The following ARHGAP20 variants were observed in gnomAD, a reference collection of about 807,000 sequenced individuals.
ARHGAP20 encodes rho GTPase-activating protein 20.
ARHGAP20 carries 34 observed loss-of-function variants against 73.7 expected under a neutral mutation model. The ratio of observed to expected loss-of-function variants is 0.46; its 90% confidence interval spans 0.35 to 0.61. The LOEUF (loss-of-function observed/expected upper bound fraction) is 0.61. ARHGAP20 is among the 20% of genes least tolerant of loss of function. The pLI is 0.00. For synonymous variants in ARHGAP20, 523 were observed against 518.2 expected (o/e 1.01, Z -0.13); for missense variants, 1,314 against 1,420.9 (o/e 0.92, Z 1.21).
intron 1 of ARHGAP20, among the ~76,000 whole-genome samples, chr11:110,705,988 T>C (rs1950546474): frequency 6.6e-6 from 1 of 152,144 alleles, no homozygotes; most frequent in South Asian, 2.1e-4. Flanking sequence ...ACCAAAGTAA[T>C]TAGACCAGTG....
In ARHGAP20 at chr11:110,711,575, C is replaced by G. The variant is rs1467576027; in HGVS notation, c.105+552G>C. 29 of 1,462,634 alleles carry G rather than the reference C, an allele frequency of 2.0e-5. No individual in the cohort carries two copies. The East Asian group carries it at 8.3e-4, about 42-fold the overall frequency. 90.6% of individuals were successfully genotyped at this position (1,462,634 alleles called of 1,614,324 possible). ...GGGGCAGTACTCCCCATATCTGCCC[C>G]CCGAAAACTGCTATGGAGCAGCCGC... On this transcript the variant is annotated intron_variant, in intron 1 of 14. Transcript: ENST00000683387.
intron 2 of ARHGAP20, among the ~76,000 whole-genome samples, chr11:110,650,955 A>T (rs1949338568): frequency 6.6e-6 from 1 of 152,216 alleles, no homozygotes; most frequent in African/African-American, 2.4e-5. Context: ...GCTTGGCCAC[A>T]TGGCACTTAT....
At chr11:110,618,761 A>G (rs529262533) in intron 4 of ARHGAP20, among the ~76,000 whole-genome samples, 2 of 104,562 alleles carry the variant, frequency 1.9e-5, no homozygotes, top group South Asian at 4.3e-4. Flanking sequence ...GTGATAGCAT[A>G]TATGTAGTGA....
chr11:110,707,539 G>C (rs1950571404), intron 1 of ARHGAP20, among the ~76,000 whole-genome samples: 1 of 152,106 alleles, frequency 6.6e-6, no homozygotes, highest in South Asian at 2.1e-4. Context: ...CCTCTGACTA[G>C]TGAGTAAAAG....
At chr11:110,690,751 C>A in intron 1 of ARHGAP20, 122 bp from the exon 2 acceptor site, 1 of 979,800 alleles carries the variant, frequency 1.0e-6, no homozygotes. Context: ...AAGGAGCCTA[C>A]AGTTTCATTA....
chr11:110,683,867 T>C (rs1477802381), intron 2 of ARHGAP20, among the ~76,000 whole-genome samples: 1 of 152,190 alleles, frequency 6.6e-6, no homozygotes, highest in Non-Finnish European at 1.5e-5. Flanking sequence ...ACCAGTGTGA[T>C]AATATTAAGA....
intron 10 of ARHGAP20, 93 bp downstream of exon 10, chr11:110,591,884 A>G (rs1350152944): frequency 6.0e-6 from 8 of 1,332,986 alleles, no homozygotes; most frequent in Non-Finnish European, 8.3e-6. Context: ...AGTGGTGTCT[A>G]TAATTTTTCC....
chr11:110,644,700 C>T (rs1340476268), intron 2 of ARHGAP20, among the ~76,000 whole-genome samples: 1 of 152,020 alleles, frequency 6.6e-6, no homozygotes. Flanking sequence ...AGAAGAAAAC[C>T]TAGGAAATAC....
chr11:110,586,416 C>T, intron 11 of ARHGAP20, 91 bp from the exon 12 acceptor site: 2 of 680,942 alleles, frequency 2.9e-6, no homozygotes, highest in Non-Finnish European at 4.7e-6. Context: ...TTGAAAAGTT[C>T]CCTTACGTAC....
rs1205942205 is a variant in ARHGAP20, at chr11:110,577,961, T to C, written c.*1409A>G. ...AATAAGCTAGCTTGTGAGAGAAAGG[T>C]CCATCTGATGGTGAACTAAAGAGTT... is the stretch of plus-strand genomic sequence containing the variant. On this transcript the variant is annotated 3_prime_UTR_variant, in exon 15 of 15. Transcript: ENST00000683387. 10 of 985,414 alleles carry C rather than the reference T, an allele frequency of 1.0e-5. No individual in the cohort carries two copies. Among genetic ancestry groups the C allele is most frequent in the African/African-American group, 1.7e-5 (1 of 57,196 alleles). 61.0% of individuals were successfully genotyped at this position (985,414 alleles called of 1,614,324 possible). A position where few individuals can be genotyped will look rare whatever the true frequency, so the allele number is the denominator to read the frequency against.
chr11:110,625,305 G>T (rs9787827), intron 3 of ARHGAP20, among the ~76,000 whole-genome samples: 24,793 of 151,484 alleles, frequency 0.16, 2,434 homozygotes, highest in East Asian at 0.31. Flanking sequence ...CCAAAGTGCT[G>T]GGATTACAGG....
chr11:110,663,371 A>G (rs910354450), intron 2 of ARHGAP20, among the ~76,000 whole-genome samples: 1 of 149,968 alleles, frequency 6.7e-6, no homozygotes, highest in Non-Finnish European at 1.5e-5. Context: ...ATACTATATA[A>G]GACATTAATA....
intron 2 of ARHGAP20, among the ~76,000 whole-genome samples, chr11:110,660,382 G>A (rs1013769684): frequency 6.6e-6 from 1 of 152,152 alleles, no homozygotes; most frequent in Non-Finnish European, 1.5e-5. Context: ...GTGTGAACCA[G>A]ATACAAGTAC....
intron 9 of ARHGAP20, among the ~76,000 whole-genome samples, chr11:110,593,045 T>TG (rs1947867578): frequency 6.6e-6 from 1 of 151,924 alleles, no homozygotes; most frequent in African/African-American, 2.4e-5. Context: ...GTCAATAAGA[T>TG]GGAGGGGGTG....
chr11:110,646,989 A>C (rs565693704), intron 2 of ARHGAP20, among the ~76,000 whole-genome samples: 42 of 152,288 alleles, frequency 2.8e-4, no homozygotes, highest in African/African-American at 1.0e-3. Context: ...AAGTTGGCTA[A>C]AATTTCTTAA....
chr11:110,616,130 A>C (rs1948477381), intron 4 of ARHGAP20, among the ~76,000 whole-genome samples: 1 of 151,076 alleles, frequency 6.6e-6, no homozygotes, highest in Non-Finnish European at 1.5e-5. Context: ...CCCAGAAACC[A>C]GTTTGTTGTT....
chr11:110,591,927 C>T, intron 10 of ARHGAP20, 50 bp downstream of exon 10: 1 of 1,581,902 alleles, frequency 6.3e-7, no homozygotes, highest in Non-Finnish European at 8.6e-7. Context: ...CAGAGCTCTC[C>T]TTTCCCAAAC....
intron 2 of ARHGAP20, among the ~76,000 whole-genome samples, chr11:110,633,294 C>T (rs757223650): frequency 4.6e-5 from 7 of 152,124 alleles, no homozygotes; most frequent in Admixed American, 3.3e-4. Context: ...AAATTCCCTT[C>T]CTCAATGGAT....
At chr11:110,701,978 A>T (rs974248586) in intron 1 of ARHGAP20, among the ~76,000 whole-genome samples, 113 of 152,186 alleles carry the variant, frequency 7.4e-4, no homozygotes, top group African/African-American at 2.3e-3. Flanking sequence ...CTGTTTTGGT[A>T]ACTGTAGCCT....
Sources: allele counts gnomAD v4.1 joint callset (sites outside exome capture counted in the v4.1 genomes callset), GRCh38; gene constraint gnomAD v4.1.1; transcripts MANE v1.5; gene names NCBI Gene and HGNC (gene_info 2026-07-23, HGNC 2026-07-21).